The following FAM83H variants were observed in gnomAD, a reference collection of about 807,000 sequenced individuals.
FAM83H encodes scaffolding CK1 anchoring protein H, also known as protein FAM83H.
A neutral mutation model predicts 30.2 loss-of-function variants in FAM83H; 24 were observed. That is an observed-to-expected ratio of 0.79 (90% CI 0.57 to 1.12). The LOEUF is 1.12. FAM83H is among the 50% of genes most tolerant of loss of function. The pLI, the probability that FAM83H is intolerant of heterozygous loss-of-function variation, is 0.00. For missense variants in FAM83H, 2,038 were observed against 1,773.9 expected (o/e 1.15, Z -2.67); for synonymous variants, 1,013 against 821.7 (o/e 1.23, Z -3.98).
At position 143,727,694 on chromosome 8, in the gene FAM83H, G is replaced by T; in HGVS notation, c.1767C>A (p.Gly589=). ...RRWRLASYLS[G]CHGEDGGDDG... ...CGTCGCCCCCATCCTCGCCGTGGCAGCCGCTCAAGTAGGAGGCCAAACGCC... is the reference window on the plus strand; with the variant it reads ...CGTCGCCCCCATCCTCGCCGTGGCATCCGCTCAAGTAGGAGGCCAAACGCC... The change falls in exon 5 of 5, where the codon GGC becomes GGA. Residue 589 remains glycine (G), a synonymous_variant. Transcript: ENST00000388913. 6.4e-7 allele frequency: 1 copy of T among 1,559,262 alleles called. No individual in the cohort carries two copies. Among genetic ancestry groups the T allele is most frequent in the African/African-American group, 1.4e-5 (1 of 72,542 alleles).
At position 143,726,977 on chromosome 8, in the gene FAM83H, GGAGCCGCTCCGGCCCAGTGTGTC is replaced by G. The variant is rs1818320546; in HGVS notation, c.2461_2483del (p.Asp821ArgfsTer37). The G allele has an allele frequency of 6.2e-7, 1 of 1,601,792 alleles. No homozygotes were observed. The highest frequency in any genetic ancestry group is 8.5e-7 in the Non-Finnish European group (1 of 1,175,690). The stretch of plus-strand genomic sequence containing the variant: ...AGAGGAAGCGGGAAGGCAGGCGGTC[GGAGCCGCTCCGGCCCAGTGTGTC>G]GAGCAGCTGCGCCGCGGTGAGCGAC... On this transcript the variant is annotated frameshift_variant, in exon 5 of 5. Transcript: ENST00000388913. LOFTEE classifies it low-confidence loss of function (END_TRUNC).
intron 1 of FAM83H, chr8:143,732,445 A>C (rs1314262971): frequency 6.1e-6 from 6 of 985,244 alleles, no homozygotes; most frequent in Non-Finnish European, 7.2e-6. Flanking sequence ...GTCTGACCAT[A>C]CAGGGCAGGG....
At chr8:143,730,694 T>C in intron 1 of FAM83H, 97 bp from the exon 2 acceptor site, 1 of 918,800 alleles carries the variant, frequency 1.1e-6, no homozygotes, top group Admixed American at 3.0e-5. Flanking sequence ...GTCAGTGACT[T>C]GGGTAGGCTG....
At position 143,730,426 on chromosome 8, in the gene FAM83H, G is replaced by C. The variant is rs782026188; in HGVS notation, c.157C>G (p.Pro53Ala). 2.5e-6 allele frequency: 4 copies of C among 1,612,662 alleles called. No homozygotes were observed. Among genetic ancestry groups the C allele is most frequent in the African/African-American group, 1.3e-5 (1 of 74,946 alleles). ...YSRFLATEGA[P>A]DFLCPEELEH... ...AGCTCTTCAGGGCACAGGAAGTCTG[G>C]TGCCCCCTCGGTAGCGAGGAAGCGG... The change falls in exon 2 of 5, where the codon CCA becomes GCA. Residue 53 changes from proline to alanine, a missense_variant. Coordinates refer to ENST00000388913, the MANE Select transcript of FAM83H (RefSeq NM_198488.5).
At chr8:143,729,533 G>C (rs1237667575) in intron 2 of FAM83H, among the ~76,000 whole-genome samples, 1 of 152,184 alleles carries the variant, frequency 6.6e-6, no homozygotes, top group Non-Finnish European at 1.5e-5. Context: ...CCATAAGGGG[G>C]AAACCGAGGC....
In FAM83H at chr8:143,727,295, G is replaced by C; in HGVS notation, c.2166C>G (p.Gly722=). ...EQTVSETLGP[G]GEAVRSAAST... The stretch of plus-strand genomic sequence containing the variant: ...AAGCCGCGGAGCGCACGGCCTCTCC[G>C]CCGGGCCCCAGCGTCTCGCTGACCG... The change falls in exon 5 of 5, where the codon GGC becomes GGG. Residue 722 remains glycine, a synonymous_variant. Transcript: ENST00000388913. 6.5e-7 allele frequency: 1 copy of C among 1,538,156 alleles called. No homozygotes were observed. Among genetic ancestry groups the C allele is most frequent in the South Asian group, 1.2e-5 (1 of 84,342 alleles).
In FAM83H at chr8:143,725,927, C is replaced by T; in HGVS notation, c.3534G>A (p.Lys1178=). The change falls in exon 5 of 5, where the codon AAG becomes AAA. Residue 1178 remains lysine, a synonymous_variant. Transcript: ENST00000388913. Reference sequence around the variant, plus strand: ...GGTTGCCAGGCCAGAAGACTCACTTCTTGCTTTTGAACGTGCCCAGGATCT... The same window carrying T: ...GGTTGCCAGGCCAGAAGACTCACTTTTTGCTTTTGAACGTGCCCAGGATCT... ...VPKILGTFKS[K]K 5 of 1,612,924 alleles carry T rather than the reference C, an allele frequency of 3.1e-6. No individual in the cohort carries two copies. The highest frequency in any genetic ancestry group is 1.1e-5 in the South Asian group (1 of 91,062).
Position 143,727,700 on chromosome 8 carries a change from C to G in FAM83H, c.1761G>C (p.Leu587Phe). 2 of 1,557,138 alleles carry G rather than the reference C, an allele frequency of 1.3e-6. No homozygotes were observed. Among genetic ancestry groups the G allele is most frequent in the Non-Finnish European group, 1.7e-6 (2 of 1,159,484 alleles). The part of the protein sequence containing the change: ...GLRRWRLASY[L>F]SGCHGEDGGD... Reference sequence around the variant, plus strand: ...CCCCATCCTCGCCGTGGCAGCCGCTCAAGTAGGAGGCCAAACGCCAGCGCC... The same window carrying G: ...CCCCATCCTCGCCGTGGCAGCCGCTGAAGTAGGAGGCCAAACGCCAGCGCC... Residue 587 changes from leucine (L) to phenylalanine (F), a missense_variant, in exon 5 of 5, where the codon TTG (leucine) becomes TTC (phenylalanine). By Grantham distance (22) the Leu-to-Phe change is conservative. Transcript: ENST00000388913.
At chr8:143,732,606 TG>T in intron 1 of FAM83H, 1 of 985,364 alleles carries the variant, frequency 1.0e-6, no homozygotes. Flanking sequence ...GAAGCCCCCG[TG>T]GCCAGGAGCC....
chr8:143,728,370 C>G lies in FAM83H; in HGVS notation c.1091G>C (p.Gly364Ala). ...FRREEPPRMP[G>A]GALEPHAGLR... The stretch of plus-strand genomic sequence containing the variant: ...CCCCGCGTGCGGTTCCAGCGCGCCC[C>G]CCGGCATCCGCGGCGGCTCCTCCCG... The change falls in exon 5 of 5, where the codon GGG becomes GCG. Residue 364 changes from glycine to alanine, a missense_variant. Transcript: ENST00000388913. The G allele has an allele frequency of 6.5e-7, 1 of 1,544,022 alleles. No individual in the cohort carries two copies. The highest frequency in any genetic ancestry group is 8.7e-7 in the Non-Finnish European group (1 of 1,143,712).
Position 143,727,522 on chromosome 8 carries a change from TGCCCGGGCCTG to T in FAM83H, c.1928_1938del (p.Pro643GlnfsTer58). ...TCGCGCTCTGGGCCGTTGCCGCCGC[TGCCCGGGCCTG>T]GCACCGGGACCTTGGTGGGGAAGGC... is the stretch of plus-strand genomic sequence containing the variant. On this transcript the variant is annotated frameshift_variant, in exon 5 of 5. Coordinates refer to ENST00000388913, the MANE Select transcript of FAM83H (RefSeq NM_198488.5). LOFTEE classifies it low-confidence loss of function (END_TRUNC). The T allele has an allele frequency of 1.3e-6, 2 of 1,579,780 alleles. No homozygotes were observed. Among genetic ancestry groups the T allele is most frequent in the Non-Finnish European group, 1.7e-6 (2 of 1,170,456 alleles).
Position 143,733,382 on chromosome 8 carries a change from G to A in FAM83H, c.-16+309C>T, listed in dbSNP as rs1818597096. Among the ~76,000 whole-genome samples, 1 of 152,214 alleles carries A rather than the reference G, an allele frequency of 6.6e-6. No individual in the cohort carries two copies. Among genetic ancestry groups the A allele is most frequent in the Non-Finnish European group, 1.5e-5 (1 of 68,020 alleles). The stretch of plus-strand genomic sequence containing the variant: ...ACCCAGACTCCAGCTAGGCCGCGAG[G>A]GCGGGAGCGAGTCGGGACGGCCGGG... On this transcript the variant is annotated intron_variant, in intron 1 of 4. Transcript: ENST00000388913. The surrounding 1 kb of genome is among the most constrained non-coding windows in gnomAD (Gnocchi z 5.6).
At position 143,725,705 on chromosome 8, in the gene FAM83H, G is replaced by A; in HGVS notation, c.*216C>T. ...GAGAAAGGCACTGGTGGCGAGGGGT[G>A]CAGCCCCAGCGTTGGGGAGGCCAGG... On this transcript the variant is annotated 3_prime_UTR_variant, in exon 5 of 5. Transcript: ENST00000388913. 2 of 704,848 alleles carry A rather than the reference G, an allele frequency of 2.8e-6. No individual in the cohort carries two copies. The highest frequency in any genetic ancestry group is 3.8e-5 in the South Asian group (2 of 53,094). 43.7% of individuals were successfully genotyped at this position (704,848 alleles called of 1,614,324 possible).
intron 4 of FAM83H, 69 bp from the exon 5 acceptor site, chr8:143,728,792 G>A (rs1818407685): frequency 6.3e-7 from 1 of 1,597,990 alleles, no homozygotes. Flanking sequence ...TGGGCAGCGG[G>A]TGGGGCGCGG....
Position 143,727,417 on chromosome 8 carries a change from G to T in FAM83H, c.2044C>A (p.Leu682Met), listed in dbSNP as rs1023265113. 5 of 1,571,090 alleles carry T rather than the reference G, an allele frequency of 3.2e-6. No individual in the cohort carries two copies. The Admixed American group carries it at 9.0e-5, about 28-fold the overall frequency. Reference sequence around the variant, plus strand: ...GTGCTGAAGATGAGCGAGGAGCGCAGCCTGGAGCTGCGCTGGACCAGGGGG... The same window carrying T: ...GTGCTGAAGATGAGCGAGGAGCGCATCCTGGAGCTGCGCTGGACCAGGGGG... ...LNPLVQRSSRLRSSLIFSTSQ... is the reference protein window; with the variant it reads ...LNPLVQRSSRMRSSLIFSTSQ... Residue 682 changes from leucine (L) to methionine (M), a missense_variant, in exon 5 of 5, where the codon CTG (leucine) becomes ATG (methionine). Physicochemically the swap from Leu to Met is conservative, Grantham distance 15. Transcript: ENST00000388913.
At chr8:143,732,451 C>A in intron 1 of FAM83H, 1 of 985,362 alleles carries the variant, frequency 1.0e-6, no homozygotes, top group Non-Finnish European at 1.2e-6. Context: ...CCATACAGGG[C>A]AGGGGGAACA....
rs781825940 is a variant in FAM83H at position 143,730,179 on chromosome 8, C to T, written c.404G>A (p.Ser135Asn). 2 of 1,607,018 alleles carry T rather than the reference C, an allele frequency of 1.2e-6. No individual in the cohort carries two copies. ...LVQPPPPDSP[S>N]IKDEARRMIR... ...CATCCTGCGGGCCTCATCCTTGATA[C>T]TGGGGCTGTCGGGGGGCGGTGGCTG... The change falls in exon 2 of 5, where the codon AGT becomes AAT. Residue 135 changes from serine to asparagine, a missense_variant. Coordinates refer to ENST00000388913, the MANE Select transcript of FAM83H (RefSeq NM_198488.5).
In FAM83H at chr8:143,728,323, G is replaced by T; in HGVS notation, c.1138C>A (p.Leu380Met). ...HAGLRPLSRR[L>M]EAEAGPAGEL... Reference sequence around the variant, plus strand: ...CCAGCCGGCCCGGCCTCGGCCTCCAGGCGCCGCGAGAGCGGCCGCAGCCCC... The same window carrying T: ...CCAGCCGGCCCGGCCTCGGCCTCCATGCGCCGCGAGAGCGGCCGCAGCCCC... Residue 380 changes from leucine (L) to methionine (M), a missense_variant, in exon 5 of 5, where the codon CTG becomes ATG. Physicochemically the swap from Leu to Met is conservative, Grantham distance 15. Coordinates refer to ENST00000388913, the MANE Select transcript of FAM83H (RefSeq NM_198488.5). 6.9e-7 allele frequency: 1 copy of T among 1,439,476 alleles called. No individual in the cohort carries two copies. The allele number at this position is 1,439,476 out of a possible 1,614,324, so 89.2% of individuals were successfully genotyped here.
rs1554623650 is a variant in FAM83H, at chr8:143,728,945, TGAG to T, written c.737+19_737+21del. ...CAGGAGGAGGCCCCAGAGAAGGGGG[TGAG>T]GGAGCCCCGCGGGCGCACCTGTAGC... On this transcript the variant is annotated intron_variant, in intron 4 of 4. Transcript: ENST00000388913. The T allele has an allele frequency of 6.2e-7, 1 of 1,612,148 alleles. No individual in the cohort carries two copies. The highest frequency in any genetic ancestry group is 8.5e-7 in the Non-Finnish European group (1 of 1,179,676).
Sources: allele counts gnomAD v4.1 joint callset (sites outside exome capture counted in the v4.1 genomes callset), GRCh38; gene constraint gnomAD v4.1.1; non-coding constraint Gnocchi (gnomAD v3.1); transcripts MANE v1.5; gene names NCBI Gene and HGNC (gene_info 2026-07-23, HGNC 2026-07-21).